Variants in DNMT3L observed in about 807,000 individuals in gnomAD.
DNMT3L encodes the protein DNA methyltransferase 3 like.
DNMT3L carries 33 observed loss-of-function variants against 36.2 expected under a neutral mutation model. The observed-to-expected ratio is 0.91, with a 90% CI of 0.69 to 1.22. The LOEUF (loss-of-function observed/expected upper bound fraction) is 1.22. Ranked by LOEUF, DNMT3L falls within the 50% of genes most tolerant of loss-of-function variation. The pLI is 0.00. For missense variants in DNMT3L, 310 were observed against 303.1 expected (o/e 1.02, Z -0.17); for synonymous variants, 117 against 121.7 (o/e 0.96, Z 0.26).
intron 2 of DNMT3L, 41 bp downstream of exon 2, chr21:44,261,110 TCAG>T (rs760463728): frequency 1.3e-6 from 2 of 1,598,212 alleles, no homozygotes; most frequent in African/African-American, 2.7e-5. Context: ...AGGCCTGGGA[TCAG>T]CATCCTAAGT....
intron 7 of DNMT3L, among the ~76,000 whole-genome samples, chr21:44,255,863 G>A (rs556511524): frequency 2.5e-4 from 38 of 152,266 alleles, no homozygotes; most frequent in African/African-American, 9.1e-4. Context: ...GGATTTGGCT[G>A]TGCCTGCGGG....
At chr21:44,261,103 C>A (rs544896008) in intron 2 of DNMT3L, 51 bp downstream of exon 2, 2 of 1,590,502 alleles carry the variant, frequency 1.3e-6, no homozygotes, top group Non-Finnish European at 1.7e-6. Context: ...CTCATCCAGG[C>A]CTGGGATCAG....
At chr21:44,254,994 T>A (rs186462492) in intron 7 of DNMT3L, among the ~76,000 whole-genome samples, 1 of 151,886 alleles carries the variant, frequency 6.6e-6, no homozygotes, top group Non-Finnish European at 1.5e-5. Flanking sequence ...CCCGGCTAAT[T>A]TTTTTGTATT....
intron 7 of DNMT3L, among the ~76,000 whole-genome samples, chr21:44,255,729 C>G (rs931039050): frequency 6.6e-6 from 1 of 152,190 alleles, no homozygotes; most frequent in Non-Finnish European, 1.5e-5. Context: ...GGATCAGGCT[C>G]CTGATCGGCT....
At chr21:44,253,907 A>G (rs2040237949) in intron 8 of DNMT3L, among the ~76,000 whole-genome samples, 1 of 152,190 alleles carries the variant, frequency 6.6e-6, no homozygotes, top group Non-Finnish European at 1.5e-5. Context: ...TCCACGATGT[A>G]GCAAGTGGAT....
intron 7 of DNMT3L, among the ~76,000 whole-genome samples, chr21:44,255,754 T>C (rs2040252704): frequency 6.6e-6 from 1 of 152,202 alleles, no homozygotes; most frequent in South Asian, 2.1e-4. Context: ...GGGGCAGATA[T>C]GTGCTCCCGC....
Position 44,258,543 on chromosome 21 carries a change from C to T in DNMT3L, c.496G>A (p.Ala166Thr), listed in dbSNP as rs769322439. The change falls in exon 6 of 12, where the codon GCC becomes ACC. Residue 166 changes from alanine (A) to threonine (T), a missense_variant. Transcript: ENST00000628202. This position sits in a 1 kb window ranked among gnomAD's most constrained non-coding sequence, Gnocchi z 6.2. ...CTTACCGACTCTCGGTCGTAGAAGG[C>T]CTTGAGCTGGCTGCGCCACTTCCTC... ...RRRKWRSQLK[A>T]FYDRESENPL... 6.3e-7 allele frequency: 1 copy of T among 1,585,720 alleles called. No homozygotes were observed. Among genetic ancestry groups the T allele is most frequent in the Non-Finnish European group, 8.6e-7 (1 of 1,166,406 alleles).
chr21:44,255,810 C>T (rs997180354), intron 7 of DNMT3L, among the ~76,000 whole-genome samples: 6 of 152,188 alleles, frequency 3.9e-5, no homozygotes, highest in Non-Finnish European at 7.3e-5. Flanking sequence ...GGTGTCCCAG[C>T]GGGACACATC....
chr21:44,254,764 G>A lies in DNMT3L; in HGVS notation c.605-59C>T, dbSNP rs1011175049. On this transcript the variant is annotated intron_variant, in intron 7 of 11. Transcript: ENST00000628202. ...TGAGCGTGGATTGTGCCCCTACAGG[G>A]ACTCGAAAAGGCTGACGGACGATCA... 4 of 1,562,316 alleles carry A rather than the reference G, an allele frequency of 2.6e-6. No homozygotes were observed. In the East Asian group the frequency reaches 9.0e-5, roughly 35 times the overall value.
rs1167263802 is a variant in DNMT3L at position 44,258,984 on chromosome 21, C to T, written c.345-290G>A. Among the ~76,000 whole-genome samples, 7 of 152,084 alleles carry T rather than the reference C, an allele frequency of 4.6e-5. No homozygotes were observed. The highest frequency in any genetic ancestry group is 7.2e-5 in the African/African-American group (3 of 41,406). On this transcript the variant is annotated intron_variant, in intron 5 of 11. Transcript: ENST00000628202. This position sits in a 1 kb window ranked among gnomAD's most constrained non-coding sequence, Gnocchi z 6.2. ...CCCAAACTCGAGCCTGCAGAAACAG[C>T]GTAGGGACTCCCAGCAAAACCAAAT... is the stretch of plus-strand genomic sequence containing the variant.
At position 44,256,088 on chromosome 21, in the gene DNMT3L, G is replaced by A. The variant is rs1274675852; in HGVS notation, c.583C>T (p.Leu195Phe). The change falls in exon 7 of 12, where the codon CTT becomes TTT. Residue 195 changes from leucine to phenylalanine, a missense_variant. Transcript: ENST00000628202. ...TCACCTTTCTTGATGTCTTCAAAAAGGGACAGCACCCGGACTGGCTGTCTC... is the reference window on the plus strand; with the variant it reads ...TCACCTTTCTTGATGTCTTCAAAAAAGGACAGCACCCGGACTGGCTGTCTC... Reference protein sequence around the residue: ...WRRQPVRVLSLFEDIKKELTS... With the variant: ...WRRQPVRVLSFFEDIKKELTS... 6 of 1,613,836 alleles carry A rather than the reference G, an allele frequency of 3.7e-6. No individual in the cohort carries two copies. Among genetic ancestry groups the A allele is most frequent in the African/African-American group, 1.3e-5 (1 of 74,910 alleles).
chr21:44,254,537 C>T (rs1327044168), intron 8 of DNMT3L, 80 bp downstream of exon 8: 3 of 1,519,350 alleles, frequency 2.0e-6, no homozygotes, highest in African/African-American at 1.4e-5. Flanking sequence ...TCCTTGCCCG[C>T]CTCATCCTTG....
chr21:44,259,513 C>T lies in DNMT3L; in HGVS notation c.268G>A (p.Asp90Asn). 1 of 1,613,740 alleles carries T rather than the reference C, an allele frequency of 6.2e-7. No homozygotes were observed. The highest frequency in any genetic ancestry group is 8.5e-7 in the Non-Finnish European group (1 of 1,180,012). The change falls in exon 5 of 12, where the codon GAC (aspartate) becomes AAC (asparagine). Residue 90 changes from aspartate (D) to asparagine (N), a missense_variant. By Grantham distance (23) the Asp-to-Asn change is conservative (BLOSUM62 1). Transcript: ENST00000628202. ...FLDALFLYDD[D>N]GYQSYCSICC... ...ATGGAGCAGTAGGATTGGTACCCGT[C>T]ATCGTCGTACAGGAAGAGGGCATCC...
At chr21:44,259,822 A>G (rs138515449) in intron 3 of DNMT3L, 111 bp from the exon 4 acceptor site, 3 of 1,115,574 alleles carry the variant, frequency 2.7e-6, no homozygotes, top group Admixed American at 2.1e-5. Flanking sequence ...TGAAAACTGC[A>G]AAGTATTGTT....
Position 44,254,722 on chromosome 21 carries a change from C to T in DNMT3L, c.605-17G>A, listed in dbSNP as rs1370880443. 1 of 1,613,504 alleles carries T rather than the reference C, an allele frequency of 6.2e-7. No individual in the cohort carries two copies. Among genetic ancestry groups the T allele is most frequent in the South Asian group, 1.1e-5 (1 of 91,020 alleles). On this transcript the variant is annotated splice_polypyrimidine_tract_variant and intron_variant, in intron 7 of 11. Coordinates refer to ENST00000628202, the MANE Select transcript of DNMT3L (RefSeq NM_175867.3). ...TCGTCAGCTCTGGATGGGGAGAGAC[C>T]AGAAGGGCCCAGAGGGTGAGCGTGG... is the stretch of plus-strand genomic sequence containing the variant.
chr21:44,260,944 G>A lies in DNMT3L; in HGVS notation c.107-105C>T, dbSNP rs951020003. 9 of 1,551,292 alleles carry A rather than the reference G, an allele frequency of 5.8e-6. No homozygotes were observed. In the African/African-American group the frequency reaches 9.5e-5, roughly 16 times the overall value. On this transcript the variant is annotated intron_variant, in intron 2 of 11. Coordinates refer to ENST00000628202, the MANE Select transcript of DNMT3L (RefSeq NM_175867.3). ...CAATTCGTTTTCCAAAGTCACAGGA[G>A]CCTGAGGTCCCCTGCCATCCCGCCC... is the stretch of plus-strand genomic sequence containing the variant.
rs1568914837 is a variant in DNMT3L, at chr21:44,254,711, TGGGGAGAGACCAGAA to T, written c.605-21_605-7del. 1 of 1,613,864 alleles carries T rather than the reference TGGGGAGAGACCAGAA, an allele frequency of 6.2e-7. No homozygotes were observed. On this transcript the variant is annotated splice_polypyrimidine_tract_variant and splice_region_variant and intron_variant, in intron 7 of 11. Transcript: ENST00000628202. ...AAAGCCCAAACTCGTCAGCTCTGGA[TGGGGAGAGACCAGAA>T]GGGCCCAGAGGGTGAGCGTGGATTG... is the stretch of plus-strand genomic sequence containing the variant.
At chr21:44,261,038 C>T in intron 2 of DNMT3L, 116 bp downstream of exon 2, 1 of 1,425,282 alleles carries the variant, frequency 7.0e-7, no homozygotes, top group Non-Finnish European at 9.7e-7. Flanking sequence ...ACCTCCTGCC[C>T]CAGCCCGGGT....
Position 44,258,525 on chromosome 21 carries a change from ACTC to A in DNMT3L, c.511_513del (p.Glu171del), listed in dbSNP as rs772745085. 5 of 1,562,038 alleles carry A rather than the reference ACTC, an allele frequency of 3.2e-6. No individual in the cohort carries two copies. ...CTGCCCCTCCACGGGCTCCTTACCG[ACTC>A]TCGGTCGTAGAAGGCCTTGAGCTGG... On this transcript the variant is annotated inframe_deletion, in exon 6 of 12. Transcript: ENST00000628202. This position sits in a 1 kb window ranked among gnomAD's most constrained non-coding sequence, Gnocchi z 6.2.
Sources: allele counts gnomAD v4.1 joint callset (sites outside exome capture counted in the v4.1 genomes callset), GRCh38; gene constraint gnomAD v4.1.1; non-coding constraint Gnocchi (gnomAD v3.1); transcripts MANE v1.5; gene names NCBI Gene and HGNC (gene_info 2026-07-23, HGNC 2026-07-21).